The following QKI variants were observed in gnomAD, a reference collection of about 807,000 sequenced individuals.
QKI encodes QKI, KH domain containing RNA binding.
QKI carries 10 observed loss-of-function variants against 39.0 expected under a neutral mutation model. The observed-to-expected ratio is 0.26, with a 90% confidence interval of 0.16 to 0.43. The LOEUF is 0.43. Among genes scored for constraint, QKI ranks in the 20% least tolerant of loss-of-function variants. The probability of loss-of-function intolerance (pLI) is 1.00; values close to 1 mark genes in which losing one functional copy is unlikely to be tolerated. For missense variants in QKI, 218 were observed against 428.0 expected (o/e 0.51, Z 4.33); for synonymous variants, 204 against 155.4 (o/e 1.31, Z -2.33).
intron 3 of QKI, among the ~76,000 whole-genome samples, chr6:163,480,251 CTG>C (rs1792970630): frequency 6.6e-6 from 1 of 152,088 alleles, no homozygotes; most frequent in South Asian, 2.1e-4. Flanking sequence ...GTCTGTCTGT[CTG>C]TCTCTTTCTC....
chr6:163,443,342 G>A (rs563785987), intron 1 of QKI, among the ~76,000 whole-genome samples: 6 of 152,354 alleles, frequency 3.9e-5, no homozygotes, highest in South Asian at 2.1e-4. Flanking sequence ...AGGCCAAGGC[G>A]GGTGGATTAC....
intron 7 of QKI, chr6:163,567,882 TTACCTTG>T: frequency 2.0e-6 from 2 of 985,702 alleles, no homozygotes; most frequent in Non-Finnish European, 2.4e-6. Flanking sequence ...CTTTATGTGA[TTACCTTG>T]AGTACTGATG....
chr6:163,460,551 G>C (rs1183063078), intron 2 of QKI, among the ~76,000 whole-genome samples: 2 of 152,128 alleles, frequency 1.3e-5, no homozygotes, highest in African/African-American at 4.8e-5. Flanking sequence ...CATAGCTTCT[G>C]AGTTAGTTAG....
intron 1 of QKI, among the ~76,000 whole-genome samples, chr6:163,454,200 C>T (rs910209767): frequency 1.3e-5 from 2 of 152,008 alleles, no homozygotes; most frequent in African/African-American, 4.8e-5. Flanking sequence ...CAGTATGTTC[C>T]AAAGGACAGG....
intron 2 of QKI, among the ~76,000 whole-genome samples, chr6:163,477,270 G>A (rs1792692823): frequency 6.6e-6 from 1 of 152,120 alleles, no homozygotes; most frequent in South Asian, 2.1e-4. Flanking sequence ...CCCCGTCTTG[G>A]CCTCCCAAAG....
At chr6:163,497,639 T>TA (rs57352765) in intron 3 of QKI, among the ~76,000 whole-genome samples, 100,320 of 148,400 alleles carry the variant, frequency 0.68, 34,940 homozygotes, top group East Asian at 0.99. Flanking sequence ...TATTGTTTGT[T>TA]AAAAAAAAAA....
At chr6:163,487,117 A>G (rs1777731792) in intron 3 of QKI, among the ~76,000 whole-genome samples, 2 of 152,166 alleles carry the variant, frequency 1.3e-5, no homozygotes, top group South Asian at 2.1e-4. Flanking sequence ...TAGGGTTCCA[A>G]ACAGCCTGTT....
chr6:163,496,011 G>T (rs1049668717), intron 3 of QKI, among the ~76,000 whole-genome samples: 1 of 152,154 alleles, frequency 6.6e-6, no homozygotes, highest in African/African-American at 2.4e-5. Context: ...ACAAATTTAG[G>T]ATTGTAATGT....
At chr6:163,546,299 G>A (rs543751031) in intron 4 of QKI, among the ~76,000 whole-genome samples, 42 of 151,766 alleles carry the variant, frequency 2.8e-4, no homozygotes, top group South Asian at 1.7e-3. Context: ...TGGGTAAGTA[G>A]CATCATGTTC....
At chr6:163,495,224 T>C (rs954161090) in intron 3 of QKI, among the ~76,000 whole-genome samples, 7 of 152,086 alleles carry the variant, frequency 4.6e-5, no homozygotes, top group Non-Finnish European at 7.4e-5. Context: ...CTAAATAAGG[T>C]GTCTTTGAAC....
At chr6:163,467,662 A>G (rs893537471) in intron 2 of QKI, among the ~76,000 whole-genome samples, 6 of 152,208 alleles carry the variant, frequency 3.9e-5, no homozygotes, top group Non-Finnish European at 5.9e-5. Flanking sequence ...TATTTTATAA[A>G]TTAGCTATTT....
intron 4 of QKI, among the ~76,000 whole-genome samples, chr6:163,553,815 A>T (rs1782414999): frequency 6.6e-6 from 1 of 152,128 alleles, no homozygotes; most frequent in South Asian, 2.1e-4. Context: ...AATCTTTGTT[A>T]GTTTTATATA....
intron 1 of QKI, among the ~76,000 whole-genome samples, chr6:163,440,910 A>C (rs771470636): frequency 8.6e-5 from 13 of 151,898 alleles, no homozygotes; most frequent in Non-Finnish European, 1.9e-4. Context: ...TATTCAGGTC[A>C]GTTCAATTTT....
chr6:163,489,076 T>C (rs1420050831), intron 3 of QKI, among the ~76,000 whole-genome samples: 3 of 151,834 alleles, frequency 2.0e-5, no homozygotes, highest in Non-Finnish European at 2.9e-5. Flanking sequence ...CTCAGCACTT[T>C]TTAATACCTT....
chr6:163,532,098 A>G (rs762841840), intron 3 of QKI, among the ~76,000 whole-genome samples: 4 of 152,222 alleles, frequency 2.6e-5, no homozygotes, highest in Admixed American at 6.5e-5. Flanking sequence ...TAATACTGCA[A>G]CTTTGTTTCT....
At chr6:163,554,805 A>G (rs180733387) in intron 4 of QKI, among the ~76,000 whole-genome samples, 1 of 152,344 alleles carries the variant, frequency 6.6e-6, no homozygotes, top group East Asian at 1.9e-4. Flanking sequence ...CCTCTACCCC[A>G]GTCCAGTTCA....
At chr6:163,447,315 T>C (rs1001678287) in intron 1 of QKI, among the ~76,000 whole-genome samples, 3 of 150,118 alleles carry the variant, frequency 2.0e-5, no homozygotes, top group Admixed American at 6.7e-5. Context: ...GTATTTGAGG[T>C]CTCCATCACC....
chr6:163,559,319 TTTTC>T (rs768427112), intron 4 of QKI, among the ~76,000 whole-genome samples: 4 of 152,310 alleles, frequency 2.6e-5, no homozygotes, highest in Middle Eastern at 3.4e-3. Flanking sequence ...CTGCTCTTCT[TTTTC>T]TTTTTTTATG....
At chr6:163,484,612 T>C (rs1371005997) in intron 3 of QKI, among the ~76,000 whole-genome samples, 1 of 152,146 alleles carries the variant, frequency 6.6e-6, no homozygotes, top group Non-Finnish European at 1.5e-5. Flanking sequence ...CAGCCTGTCT[T>C]TGGAAGGTTT....
Sources: gnomAD v4.1 joint callset for allele counts (sites outside exome capture counted in the v4.1 genomes callset) on GRCh38, gnomAD v4.1.1 for gene constraint, MANE v1.5 for transcripts, NCBI Gene and HGNC (gene_info 2026-07-23, HGNC 2026-07-21) for gene names.